Variants in CLPP observed in about 807,000 individuals in gnomAD.
The protein encoded by CLPP is caseinolytic mitochondrial matrix peptidase proteolytic subunit, also known as ATP-dependent Clp protease proteolytic subunit, mitochondrial.
A neutral mutation model predicts 27.4 loss-of-function variants in CLPP; 14 were observed. The observed-to-expected ratio is 0.51, with a 90% confidence interval of 0.34 to 0.80. CLPP has a LOEUF of 0.80. Among genes scored for constraint, CLPP ranks in the 30% least tolerant of loss-of-function variants. CLPP has a pLI of 0.02. For synonymous variants in CLPP, 193 were observed against 166.6 expected (o/e 1.16, Z -1.22); for missense variants, 361 against 403.6 (o/e 0.89, Z 0.90).
rs566042338 is a variant in CLPP at position 6,362,866 on chromosome 19, T to C, written c.367+324T>C. ...ACTTTGGGAGGCTGAGGCGGGCGGATTGCTCGAGCTCAGGAGTTCAAGACC... is the reference window on the plus strand; with the variant it reads ...ACTTTGGGAGGCTGAGGCGGGCGGACTGCTCGAGCTCAGGAGTTCAAGACC... On this transcript the variant is annotated intron_variant, in intron 3 of 5. Coordinates refer to ENST00000245816, the MANE Select transcript of CLPP (RefSeq NM_006012.4). Among the ~76,000 whole-genome samples, 12 of 152,004 alleles carry C rather than the reference T, an allele frequency of 7.9e-5. No individual in the cohort carries two copies. In the East Asian group the frequency reaches 2.3e-3, roughly 29 times the overall value.
rs776945175 is a variant in CLPP, at chr19:6,362,535, C to T, written c.360C>T (p.Asn120=). 6.2e-7 allele frequency: 1 copy of T among 1,612,288 alleles called. No individual in the cohort carries two copies. The highest frequency in any genetic ancestry group is 8.5e-7 in the Non-Finnish European group (1 of 1,178,330). The change falls in exon 3 of 6, where the codon AAC becomes AAT. Residue 120 remains asparagine (N), a synonymous_variant. Transcript: ENST00000245816. ...AGAAGCCCATCCACATGTACATCAA[C>T]AGCCCTGGTGAGCAGGGTCTTTCCT... is the stretch of plus-strand genomic sequence containing the variant. ...SNKKPIHMYI[N]SPGGVVTAGL... is the part of the protein sequence containing the mutation.
At chr19:6,363,424 G>A (rs2091846391) in intron 3 of CLPP, among the ~76,000 whole-genome samples, 1 of 152,058 alleles carries the variant, frequency 6.6e-6, no homozygotes. Context: ...CGCCTGGCCT[G>A]ATTTCTAGTT....
chr19:6,370,171 A>G lies in CLPP; in HGVS notation c.*1461A>G, dbSNP rs374852973. On this transcript the variant is annotated 3_prime_UTR_variant, in exon 6 of 6. Transcript: ENST00000245816. Reference sequence around the variant, plus strand: ...ATCAGGAGTTGATTTTGGATATATTATACCTGATGTTTTGATATGTCCCTC... The same window carrying G: ...ATCAGGAGTTGATTTTGGATATATTGTACCTGATGTTTTGATATGTCCCTC... Among the ~76,000 whole-genome samples, 1 of 152,224 alleles carries G rather than the reference A, an allele frequency of 6.6e-6. No individual in the cohort carries two copies. The highest frequency in any genetic ancestry group is 1.5e-5 in the Non-Finnish European group (1 of 68,044).
At chr19:6,366,829 C>T (rs972967410) in intron 5 of CLPP, among the ~76,000 whole-genome samples, 3 of 151,814 alleles carry the variant, frequency 2.0e-5, no homozygotes, top group Non-Finnish European at 2.9e-5. Flanking sequence ...CGTGGTTTCA[C>T]CATGTTGCCC....
chr19:6,367,969 G>A (rs1338274456), intron 5 of CLPP, among the ~76,000 whole-genome samples: 3 of 152,032 alleles, frequency 2.0e-5, no homozygotes, highest in East Asian at 1.9e-4. Flanking sequence ...GGCCTCAAGT[G>A]GTCCACCCAC....
Position 6,361,721 on chromosome 19 carries a change from C to T in CLPP, c.147C>T (p.His49=). The change falls in exon 1 of 6, where the codon CAC becomes CAT. Residue 49 remains histidine (H), a synonymous_variant. Coordinates refer to ENST00000245816, the MANE Select transcript of CLPP (RefSeq NM_006012.4). ...GCCTGGCCCTGCAGCGGTGCCTGCA[C>T]GCGACGGCGACCCGGGCTCTCCCGC... The part of the protein sequence containing the change: ...QNGLALQRCL[H]ATATRALPLI... The T allele has an allele frequency of 6.6e-7, 1 of 1,505,654 alleles. No homozygotes were observed. The highest frequency in any genetic ancestry group is 8.8e-7 in the Non-Finnish European group (1 of 1,130,630). The allele number at this position is 1,505,654 out of a possible 1,614,324, so 93.3% of individuals were successfully genotyped here. A position where few individuals can be genotyped will look rare whatever the true frequency, so the allele number is the denominator to read the frequency against.
At chr19:6,361,985 C>T (rs1350083213) in intron 2 of CLPP, 45 bp downstream of exon 2, 1 of 1,548,606 alleles carries the variant, frequency 6.5e-7, no homozygotes, top group East Asian at 2.3e-5. Context: ...CTCCCAAGCG[C>T]CTGCCGACAC....
Position 6,366,219 on chromosome 19 carries a change from A to G in CLPP, c.556-39A>G, listed in dbSNP as rs10420388. On this transcript the variant is annotated intron_variant, in intron 4 of 5. Transcript: ENST00000245816. Reference sequence around the variant, plus strand: ...CTCCCTGTGAGGGGCTGACGCCGATACCAACCTTTACCCCCTCACTCCCTT... The same window carrying G: ...CTCCCTGTGAGGGGCTGACGCCGATGCCAACCTTTACCCCCTCACTCCCTT... 279,967 of 1,447,736 alleles carry G rather than the reference A, an allele frequency of 0.19. 43,459 individuals are homozygous for G. Among genetic ancestry groups the G allele is most frequent in the African/African-American group, 0.78 (55,582 of 71,436 alleles). 89.7% of individuals were successfully genotyped at this position (1,447,736 alleles called of 1,614,324 possible). A position where few individuals can be genotyped will look rare whatever the true frequency, so the allele number is the denominator to read the frequency against.
chr19:6,367,619 T>C (rs2091869146), intron 5 of CLPP, among the ~76,000 whole-genome samples: 2 of 151,960 alleles, frequency 1.3e-5, no homozygotes, highest in Admixed American at 1.3e-4. Flanking sequence ...CATCTCTTGG[T>C]CTGGGTGCTG....
Position 6,368,790 on chromosome 19 carries a change from T to C in CLPP, c.*80T>C. 1.5e-6 allele frequency: 2 copies of C among 1,365,284 alleles called. No individual in the cohort carries two copies. The highest frequency in any genetic ancestry group is 2.0e-6 in the Non-Finnish European group (2 of 1,009,516). 84.6% of individuals were successfully genotyped at this position (1,365,284 alleles called of 1,614,324 possible). On this transcript the variant is annotated 3_prime_UTR_variant, in exon 6 of 6. Transcript: ENST00000245816. ...CCAGCTGGGCCCTGCTCACCCCTTG[T>C]TGCTGGGCTTGGAGGGGCCTCTTGA...
rs1425250502 is a variant in CLPP, at chr19:6,361,676, G to A, written c.102G>A (p.Pro34=). The A allele has an allele frequency of 1.4e-6, 2 of 1,441,572 alleles. No homozygotes were observed. Among genetic ancestry groups the A allele is most frequent in the Non-Finnish European group, 9.1e-7 (1 of 1,098,866 alleles). 89.3% of individuals were successfully genotyped at this position (1,441,572 alleles called of 1,614,324 possible). Residue 34 remains proline (P), a synonymous_variant, in exon 1 of 6, where the codon CCG becomes CCA. Transcript: ENST00000245816. ...LAAHFPAQRP[P]QRTLQNGLAL... Reference sequence around the variant, plus strand: ...CTCACTTTCCAGCGCAGCGGCCGCCGCAGCGGACACTCCAGAACGGCCTGG... The same window carrying A: ...CTCACTTTCCAGCGCAGCGGCCGCCACAGCGGACACTCCAGAACGGCCTGG...
chr19:6,364,413 G>A (rs2091851290), intron 3 of CLPP, 39 bp from the exon 4 acceptor site: 1 of 1,569,922 alleles, frequency 6.4e-7, no homozygotes, highest in East Asian at 2.4e-5. Flanking sequence ...AGGGTCGGGG[G>A]GAGCTGGTCC....
intron 5 of CLPP, among the ~76,000 whole-genome samples, chr19:6,367,203 C>T (rs923813606): frequency 1.1e-4 from 17 of 151,660 alleles, no homozygotes; most frequent in African/African-American, 3.6e-4. Context: ...GGTGAAACCC[C>T]GTCTCTACCA....
Position 6,368,844 on chromosome 19 carries a change from T to A in CLPP, c.*134T>A, listed in dbSNP as rs181047554. 2.1e-5 allele frequency: 15 copies of A among 729,230 alleles called. No homozygotes were observed. Among genetic ancestry groups the A allele is most frequent in the Admixed American group, 1.5e-4 (5 of 34,424 alleles). 45.2% of individuals were successfully genotyped at this position (729,230 alleles called of 1,614,324 possible). ...ACTTTTAATTTGCAGGGGTGCCCGC[T>A]ATGGACGGGGCATTCCAGCTGAGAC... On this transcript the variant is annotated 3_prime_UTR_variant, in exon 6 of 6. Coordinates refer to ENST00000245816, the MANE Select transcript of CLPP (RefSeq NM_006012.4).
chr19:6,361,810 G>C (rs771955936), intron 1 of CLPP, 38 bp downstream of exon 1: 2 of 1,564,178 alleles, frequency 1.3e-6, no homozygotes, highest in African/African-American at 2.9e-5. Context: ...CGGGGGCTCC[G>C]GGCTGGGTGG....
intron 5 of CLPP, among the ~76,000 whole-genome samples, chr19:6,366,664 G>T (rs1387317511): frequency 6.6e-6 from 1 of 152,040 alleles, no homozygotes; most frequent in Non-Finnish European, 1.5e-5. Context: ...TTTGAGACAA[G>T]GTCTGGCTCT....
At position 6,364,591 on chromosome 19, in the gene CLPP, G is replaced by A. The variant is rs145090711; in HGVS notation, c.507G>A (p.Ser169=). ...LAAGTPGMRH[S]LPNSRIMIHQ... The stretch of plus-strand genomic sequence containing the variant: ...CCGGCACCCCAGGCATGCGCCACTC[G>A]CTCCCCAACTCCCGTATCATGATCC... The change falls in exon 4 of 6, where the codon TCG becomes TCA. Residue 169 remains serine, a synonymous_variant. Transcript: ENST00000245816. The A allele has an allele frequency of 8.7e-6, 14 of 1,612,628 alleles. No individual in the cohort carries two copies. The highest frequency in any genetic ancestry group is 4.0e-5 in the African/African-American group (3 of 74,804).
At chr19:6,364,843 C>T in intron 4 of CLPP, 1 of 527,020 alleles carries the variant, frequency 1.9e-6, no homozygotes, top group South Asian at 2.5e-5. Context: ...ATTCTTCTGC[C>T]TGAGCCTCCT....
intron 3 of CLPP, 60 bp from the exon 4 acceptor site, chr19:6,364,392 G>A (rs1253932991): frequency 2.7e-6 from 4 of 1,500,682 alleles, no homozygotes; most frequent in East Asian, 2.4e-5. Flanking sequence ...TTTAGGAGAT[G>A]GAATAGGGAA....
Sources: allele counts gnomAD v4.1 joint callset (sites outside exome capture counted in the v4.1 genomes callset), GRCh38; gene constraint gnomAD v4.1.1; transcripts MANE v1.5; gene names NCBI Gene and HGNC (gene_info 2026-07-23, HGNC 2026-07-21).